Variants in KIFC3 observed in about 807,000 individuals in gnomAD.
KIFC3 encodes the protein kinesin-like protein KIFC3.
In KIFC3, 60 loss-of-function variants were observed where a neutral mutation model predicts 101.8. The ratio of observed to expected loss-of-function variants is 0.59; its 90% CI spans 0.48 to 0.73. The LOEUF (loss-of-function observed/expected upper bound fraction) is 0.73. Among genes scored for constraint, KIFC3 ranks in the 30% least tolerant of loss-of-function variants. The pLI, the probability that KIFC3 is intolerant of heterozygous loss-of-function variation, is 0.00. For synonymous variants in KIFC3, 476 were observed against 482.7 expected (o/e 0.99, Z 0.18); for missense variants, 966 against 1,137.1 (o/e 0.85, Z 2.16).
intron 1 of KIFC3, among the ~76,000 whole-genome samples, chr16:57,815,234 C>T (rs551493947): frequency 2.0e-4 from 30 of 152,214 alleles, no homozygotes; most frequent in South Asian, 8.3e-4. Flanking sequence ...GCACAGAGCC[C>T]GGTGGCAAAC....
At chr16:57,797,673 G>A in intron 2 of KIFC3, 1 of 1,120,128 alleles carries the variant, frequency 8.9e-7, no homozygotes, top group Non-Finnish European at 1.1e-6. Context: ...AGTGTCAGCG[G>A]CGCTTGGTGC....
chr16:57,790,927 C>T, intron 3 of KIFC3: 1 of 985,276 alleles, frequency 1.0e-6, no homozygotes, highest in Non-Finnish European at 1.2e-6. Context: ...GTGGCAGACA[C>T]ACCTCTTATA....
chr16:57,815,712 G>A, intron 1 of KIFC3: 1 of 1,216,118 alleles, frequency 8.2e-7, no homozygotes, highest in South Asian at 1.3e-5. Flanking sequence ...GCAAATATCT[G>A]TCTACTCCCT....
intron 1 of KIFC3, among the ~76,000 whole-genome samples, chr16:57,811,455 G>A (rs2055072200): frequency 6.6e-6 from 1 of 152,212 alleles, no homozygotes; most frequent in South Asian, 2.1e-4. Flanking sequence ...AAGCGCGATG[G>A]CTCACGCCTA....
chr16:57,783,112 C>T (rs1263388460), intron 3 of KIFC3, among the ~76,000 whole-genome samples: 1 of 152,202 alleles, frequency 6.6e-6, no homozygotes, highest in Non-Finnish European at 1.5e-5. Context: ...ATGTTTCCTC[C>T]TCACTTTCCC....
At chr16:57,801,603 G>A (rs562750331) in intron 1 of KIFC3, among the ~76,000 whole-genome samples, 41 of 152,358 alleles carry the variant, frequency 2.7e-4, no homozygotes, top group African/African-American at 8.9e-4. Context: ...AGGAAAAGCC[G>A]GGGAAGGTGA....
chr16:57,858,614 C>T (rs1555484828), intron 1 of KIFC3, among the ~76,000 whole-genome samples: 1 of 151,066 alleles, frequency 6.6e-6, no homozygotes, highest in Non-Finnish European at 1.5e-5. Flanking sequence ...ACAAACATAG[C>T]TTTTTTTTTA....
At chr16:57,823,920 C>T (rs1426802653) in intron 1 of KIFC3, among the ~76,000 whole-genome samples, 1 of 152,128 alleles carries the variant, frequency 6.6e-6, no homozygotes, top group Non-Finnish European at 1.5e-5. Context: ...AGCCACCACG[C>T]CCAGCCTAAA....
intron 1 of KIFC3, among the ~76,000 whole-genome samples, chr16:57,814,638 T>C (rs1555628394): frequency 6.6e-6 from 1 of 152,012 alleles, no homozygotes; most frequent in Admixed American, 6.5e-5. Flanking sequence ...TATCATTCTT[T>C]TTTTTTTTGG....
chr16:57,759,277 A>T (rs2049515902), intron 18 of KIFC3, 124 bp from the exon 19 acceptor site: 1 of 1,190,520 alleles, frequency 8.4e-7, no homozygotes, highest in Middle Eastern at 1.9e-4. Flanking sequence ...TCTGGGCTAA[A>T]CAGGGGCTGG....
chr16:57,841,440 T>C (rs1184871696), intron 1 of KIFC3, among the ~76,000 whole-genome samples: 1 of 152,106 alleles, frequency 6.6e-6, no homozygotes, highest in Admixed American at 6.5e-5. Flanking sequence ...TTGAGGTGGG[T>C]AGATCACTTG....
At chr16:57,778,639 G>A (rs1204540304) in intron 3 of KIFC3, among the ~76,000 whole-genome samples, 1 of 152,120 alleles carries the variant, frequency 6.6e-6, no homozygotes, top group Non-Finnish European at 1.5e-5. Flanking sequence ...CTCCAGAGAA[G>A]ACATACAAAT....
upstream of KIFC3, among the ~76,000 whole-genome samples, chr16:57,805,961 A>C: frequency 6.6e-6 from 1 of 150,476 alleles, no homozygotes; most frequent in South Asian, 2.1e-4. Context: ...CTGCTTGCGA[A>C]CTCCTGACCT....
At chr16:57,838,811 T>TC (rs1363769034) in intron 1 of KIFC3, among the ~76,000 whole-genome samples, 1 of 151,958 alleles carries the variant, frequency 6.6e-6, no homozygotes, top group Non-Finnish European at 1.5e-5. Context: ...TCACCGCAAA[T>TC]CCCATCCCAT....
chr16:57,826,773 C>A (rs1210296829), intron 1 of KIFC3, among the ~76,000 whole-genome samples: 1 of 152,202 alleles, frequency 6.6e-6, no homozygotes, highest in African/African-American at 2.4e-5. Context: ...TGCTGAGACA[C>A]ACAGTGGAGT....
intron 3 of KIFC3, chr16:57,782,265 AGAGAG>A: frequency 1.9e-6 from 1 of 526,170 alleles, no homozygotes; most frequent in South Asian, 8.2e-5. Context: ...GTGAAGGCTC[AGAGAG>A]GAAGTGACTT....
chr16:57,855,945 CAAA>C (rs34278624), intron 1 of KIFC3, among the ~76,000 whole-genome samples: 4 of 123,360 alleles, frequency 3.2e-5, no homozygotes, highest in Admixed American at 8.2e-5. Flanking sequence ...GACTCCATCT[CAAA>C]AAAAAAAAAA....
chr16:57,835,188 A>G (rs2967134), intron 1 of KIFC3, among the ~76,000 whole-genome samples: 25,123 of 152,198 alleles, frequency 0.17, 2,275 homozygotes, highest in Middle Eastern at 0.23. Context: ...TTGAAGAGTC[A>G]GTGATAGACG....
chr16:57,815,005 T>C (rs1555628509), intron 1 of KIFC3, among the ~76,000 whole-genome samples: 1 of 152,202 alleles, frequency 6.6e-6, no homozygotes, highest in Non-Finnish European at 1.5e-5. Flanking sequence ...TGGCTGGAAC[T>C]GAAACCAGCC....
Sources: allele counts gnomAD v4.1 joint callset (sites outside exome capture counted in the v4.1 genomes callset), GRCh38; gene constraint gnomAD v4.1.1; transcripts MANE v1.5; gene names NCBI Gene and HGNC (gene_info 2026-07-23, HGNC 2026-07-21).